Variants in STAT4 observed in about 807,000 individuals in gnomAD.
STAT4 encodes the protein signal transducer and activator of transcription 4.
A neutral mutation model predicts 110.5 loss-of-function variants in STAT4; 42 were observed. That is an observed-to-expected ratio of 0.38 (90% CI 0.30 to 0.49). The LOEUF (loss-of-function observed/expected upper bound fraction) is 0.49, where lower values mean the gene tolerates loss of function less well. Among genes scored for constraint, STAT4 ranks in the 20% least tolerant of loss-of-function variants. STAT4 has a pLI of 0.95. For synonymous variants in STAT4, 284 were observed against 302.2 expected (o/e 0.94, Z 0.63); for missense variants, 632 against 887.9 (o/e 0.71, Z 3.66).
intron 3 of STAT4, among the ~76,000 whole-genome samples, chr2:191,120,434 A>T (rs974250860): frequency 6.6e-6 from 1 of 152,150 alleles, no homozygotes; most frequent in Non-Finnish European, 1.5e-5. Flanking sequence ...AAAATAAAAA[A>T]ATTAACCAGG....
intron 4 of STAT4, among the ~76,000 whole-genome samples, chr2:191,073,401 T>A (rs1157637134): frequency 1.3e-5 from 2 of 152,170 alleles, no homozygotes; most frequent in African/African-American, 4.8e-5. Context: ...AAATACCTTA[T>A]ATAGGACAGG....
intron 13 of STAT4, among the ~76,000 whole-genome samples, chr2:191,056,835 T>G (rs906333988): frequency 6.9e-6 from 1 of 145,208 alleles, no homozygotes; most frequent in Non-Finnish European, 1.5e-5. Flanking sequence ...CAGGCTGGAA[T>G]GCAGTGGTGC....
In STAT4 at chr2:191,039,126, G is replaced by T; in HGVS notation, c.1434+73C>A. 7.5e-7 allele frequency: 1 copy of T among 1,341,154 alleles called. No individual in the cohort carries two copies. Among genetic ancestry groups the T allele is most frequent in the South Asian group, 1.2e-5 (1 of 84,936 alleles). 83.1% of individuals were successfully genotyped at this position (1,341,154 alleles called of 1,614,324 possible). A position where few individuals can be genotyped will look rare whatever the true frequency, so the allele number is the denominator to read the frequency against. On this transcript the variant is annotated intron_variant, in intron 16 of 23. Transcript: ENST00000392320. This position sits in a 1 kb window ranked among gnomAD's most constrained non-coding sequence, Gnocchi z 4.7. Reference sequence around the variant, plus strand: ...CACCCCACTGGCACACACATGTTTTGATGCAGATGTGTTTGTTGGCAATAA... The same window carrying T: ...CACCCCACTGGCACACACATGTTTTTATGCAGATGTGTTTGTTGGCAATAA...
Position 191,029,921 on chromosome 2 carries a change from C to A in STAT4, c.2221-55G>T. On this transcript the variant is annotated intron_variant, in intron 23 of 23. Coordinates refer to ENST00000392320, the MANE Select transcript of STAT4 (RefSeq NM_003151.4). This position sits in a 1 kb window ranked among gnomAD's most constrained non-coding sequence, Gnocchi z 4.5. ...GGAAACTACTGGTTTTCAAATCAAT[C>A]ACTATTTCTTGGGCAAATAAACGTC... 1 of 1,396,148 alleles carries A rather than the reference C, an allele frequency of 7.2e-7. No homozygotes were observed. Among genetic ancestry groups the A allele is most frequent in the South Asian group, 1.2e-5 (1 of 80,594 alleles). 86.5% of individuals were successfully genotyped at this position (1,396,148 alleles called of 1,614,324 possible). A position where few individuals can be genotyped will look rare whatever the true frequency, so the allele number is the denominator to read the frequency against.
At position 191,090,501 on chromosome 2, in the gene STAT4, A is replaced by G. The variant is rs983267515; in HGVS notation, c.274-14176T>C. Among the ~76,000 whole-genome samples the G allele has an allele frequency of 2.6e-5, 4 of 152,130 alleles. No homozygotes were observed. The highest frequency in any genetic ancestry group is 5.9e-5 in the Non-Finnish European group (4 of 68,016). On this transcript the variant is annotated intron_variant, in intron 3 of 23. Coordinates refer to ENST00000392320, the MANE Select transcript of STAT4 (RefSeq NM_003151.4). The surrounding 1 kb of genome is among the most constrained non-coding windows in gnomAD (Gnocchi z 4.2). ...ATAATACATCTATCTTAAACTAGCT[A>G]AAAATTAGCTGCAGGTATATATAGC...
In STAT4 at chr2:191,061,725, C is replaced by T. The variant is rs1365340123; in HGVS notation, c.1034+4G>A. 2 of 1,613,654 alleles carry T rather than the reference C, an allele frequency of 1.2e-6. No individual in the cohort carries two copies. The highest frequency in any genetic ancestry group is 8.5e-7 in the Non-Finnish European group (1 of 1,179,620). ...ACGAAATAGTAGAAAATGTTTTTGCCTACCTTAGTTTTACAGTGAACTGAA... is the reference window on the plus strand; with the variant it reads ...ACGAAATAGTAGAAAATGTTTTTGCTTACCTTAGTTTTACAGTGAACTGAA... On this transcript the variant is annotated splice_donor_region_variant and intron_variant, in intron 10 of 23. Transcript: ENST00000392320. The surrounding 1 kb of genome is among the most constrained non-coding windows in gnomAD (Gnocchi z 6.2).
chr2:191,033,480 G>A lies in STAT4; in HGVS notation c.1852+10C>T. On this transcript the variant is annotated intron_variant, in intron 20 of 23. Transcript: ENST00000392320. The surrounding 1 kb of genome is among the most constrained non-coding windows in gnomAD (Gnocchi z 6.9). ...TAATTTCACATGAATAAACATTAGTGAGTATATACCACTTTCAGAATGGTC... is the reference window on the plus strand; with the variant it reads ...TAATTTCACATGAATAAACATTAGTAAGTATATACCACTTTCAGAATGGTC... 6.3e-7 allele frequency: 1 copy of A among 1,593,460 alleles called. No individual in the cohort carries two copies. The highest frequency in any genetic ancestry group is 8.5e-7 in the Non-Finnish European group (1 of 1,174,494).
rs1368597512 is a variant in STAT4 at position 191,033,100 on chromosome 2, A to G, written c.1902T>C (p.Ser634=). ...GCAGGATGTCAGCGAATGGCAGAGC[A>G]GACAACCGGCCTTTATTGTAGGGTT... ...SVEPYNKGRL[S]ALPFADILRD... is the part of the protein sequence containing the mutation. Residue 634 remains serine, a synonymous_variant, in exon 21 of 24, where the codon TCT becomes TCC. Transcript: ENST00000392320. This position sits in a 1 kb window ranked among gnomAD's most constrained non-coding sequence, Gnocchi z 6.9. 1.2e-6 allele frequency: 2 copies of G among 1,614,236 alleles called. No individual in the cohort carries two copies. The highest frequency in any genetic ancestry group is 2.2e-5 in the East Asian group (1 of 44,886).
chr2:191,111,444 G>C (rs1041411762), intron 3 of STAT4, among the ~76,000 whole-genome samples: 28 of 152,130 alleles, frequency 1.8e-4, no homozygotes, highest in African/African-American at 6.0e-4. Context: ...ACAAGCTGTA[G>C]TATATCCTTA....
At position 191,138,176 on chromosome 2, in the gene STAT4, TC is replaced by T. The variant is rs1357337608; in HGVS notation, c.273+8436del. ...CTATTCAACAGTAAAAACCAAATAA[TC>T]CCATTAAAAAGTGGGCAAAAATATG... On this transcript the variant is annotated intron_variant, in intron 3 of 23. Coordinates refer to ENST00000392320, the MANE Select transcript of STAT4 (RefSeq NM_003151.4). This position sits in a 1 kb window ranked among gnomAD's most constrained non-coding sequence, Gnocchi z 4.3. Among the ~76,000 whole-genome samples the T allele has an allele frequency of 2.7e-5, 4 of 150,820 alleles. No homozygotes were observed. The highest frequency in any genetic ancestry group is 9.8e-5 in the African/African-American group (4 of 40,970).
chr2:191,078,740 T>C (rs1402604868), intron 3 of STAT4, among the ~76,000 whole-genome samples: 1 of 152,188 alleles, frequency 6.6e-6, no homozygotes, highest in Non-Finnish European at 1.5e-5. Flanking sequence ...CAGTTTCTCA[T>C]GCAAATTTAT....
At chr2:191,071,738 G>A (rs1344872888) in intron 5 of STAT4, among the ~76,000 whole-genome samples, 1 of 152,218 alleles carries the variant, frequency 6.6e-6, no homozygotes, top group African/African-American at 2.4e-5. Flanking sequence ...TGATTGAAAA[G>A]CATTGCTTTG....
At chr2:191,096,313 C>CA (rs36165112) in intron 3 of STAT4, among the ~76,000 whole-genome samples, 1 of 151,938 alleles carries the variant, frequency 6.6e-6, no homozygotes, top group African/African-American at 2.4e-5. Context: ...AGAGACACAA[C>CA]AAAAAAAGAG....
chr2:191,067,091 T>A (rs1697011591), intron 6 of STAT4, among the ~76,000 whole-genome samples: 1 of 151,340 alleles, frequency 6.6e-6, no homozygotes, highest in Non-Finnish European at 1.5e-5. Context: ...GCTCGCCTCA[T>A]CGTAAAACTA....
chr2:191,151,587 C>A, upstream of STAT4: 1 of 985,598 alleles, frequency 1.0e-6, no homozygotes, highest in Non-Finnish European at 1.2e-6. The surrounding 1 kb of genome is among the most constrained non-coding windows in gnomAD (Gnocchi z 4.7). Context: ...CCTTGAGTAG[C>A]CTTGCCCCTG....
Position 191,130,443 on chromosome 2 carries a change from C to T in STAT4, c.273+16170G>A, listed in dbSNP as rs918315092. Among the ~76,000 whole-genome samples the T allele has an allele frequency of 1.3e-4, 20 of 151,080 alleles. 1 individual carries two copies. Among genetic ancestry groups the T allele is most frequent in the African/African-American group, 4.9e-4 (20 of 40,530 alleles). ...TTCACCATGTAAGCCAGGATGGTCT[C>T]GATCTCCTGACCTCGTGATCCGCCC... On this transcript the variant is annotated intron_variant, in intron 3 of 23. Transcript: ENST00000392320.
Position 191,039,334 on chromosome 2 carries a change from A to C in STAT4, c.1336-37T>G, listed in dbSNP as rs749527470. 2.5e-6 allele frequency: 4 copies of C among 1,573,446 alleles called. No homozygotes were observed. Among genetic ancestry groups the C allele is most frequent in the Non-Finnish European group, 3.5e-6 (4 of 1,143,048 alleles). ...GGAAAAAAGCATAGTTATTACAGGT[A>C]GTCCCACCTTACATTGATCTTATGC... On this transcript the variant is annotated intron_variant, in intron 15 of 23. Transcript: ENST00000392320. The surrounding 1 kb of genome is among the most constrained non-coding windows in gnomAD (Gnocchi z 4.7).
intron 3 of STAT4, among the ~76,000 whole-genome samples, chr2:191,129,286 T>C (rs976254945): frequency 2.6e-5 from 4 of 152,144 alleles, no homozygotes; most frequent in Non-Finnish European, 4.4e-5. Context: ...ACGCTTTAGA[T>C]GGACTTTTAA....
intron 3 of STAT4, among the ~76,000 whole-genome samples, chr2:191,080,737 TG>T (rs1697442936): frequency 6.6e-6 from 1 of 152,184 alleles, no homozygotes; most frequent in African/African-American, 2.4e-5. Context: ...CCAGAATATA[TG>T]GTAGATTCTC....
Sources: allele counts gnomAD v4.1 joint callset (sites outside exome capture counted in the v4.1 genomes callset), GRCh38; gene constraint gnomAD v4.1.1; non-coding constraint Gnocchi (gnomAD v3.1); transcripts MANE v1.5; gene names NCBI Gene and HGNC (gene_info 2026-07-23, HGNC 2026-07-21).